Variants in TTBK2 observed in about 807,000 individuals in gnomAD.
The protein encoded by TTBK2 is tau-tubulin kinase 2.
TTBK2 carries 28 observed loss-of-function variants against 110.8 expected under a neutral mutation model. That is an observed-to-expected ratio of 0.25 (90% CI 0.19 to 0.35). TTBK2 has a LOEUF of 0.35. Ranked by LOEUF, TTBK2 falls within the 10% of genes least tolerant of loss-of-function variation. The pLI, the probability that TTBK2 is intolerant of heterozygous loss-of-function variation, is 1.00. For missense variants in TTBK2, 1,369 were observed against 1,500.3 expected (o/e 0.91, Z 1.45); for synonymous variants, 532 against 527.3 (o/e 1.01, Z -0.12).
rs1406976440 is a variant in TTBK2, at chr15:42,762,585, C to T, written c.1999-9338G>A. Among the ~76,000 whole-genome samples the T allele has an allele frequency of 2.0e-5, 3 of 152,108 alleles. 1 individual carries two copies. Among genetic ancestry groups the T allele is most frequent in the Admixed American group, 2.0e-4 (3 of 15,262 alleles). The stretch of plus-strand genomic sequence containing the variant: ...TACAAAAATTAGCCAGGCATGGTGG[C>T]ATGTGCCTGTAGTCCCAGCTACTCA... On this transcript the variant is annotated intron_variant, in intron 13 of 14. Transcript: ENST00000267890.
chr15:42,824,500 T>G (rs938127547), intron 6 of TTBK2, among the ~76,000 whole-genome samples: 1 of 152,136 alleles, frequency 6.6e-6, no homozygotes, highest in Admixed American at 6.6e-5. Flanking sequence ...CTTAACTACT[T>G]GAAAACAAAA....
chr15:42,753,245 A>T lies in TTBK2; in HGVS notation c.2001T>A (p.Ile667=), dbSNP rs1331458622. 5.0e-6 allele frequency: 8 copies of T among 1,613,850 alleles called. No individual in the cohort carries two copies. The highest frequency in any genetic ancestry group is 1.3e-5 in the African/African-American group (1 of 74,936). The change falls in exon 14 of 15, where the codon ATT becomes ATA. Residue 667 remains isoleucine (I), a splice_region_variant and synonymous_variant. Transcript: ENST00000267890. The stretch of plus-strand genomic sequence containing the variant: ...ATGCCACAGAAGGTCTAGGAATTGT[A>T]ATCTGGAGAAGGGGAAGAAAAAATT... The part of the protein sequence containing the change: ...EAQAEGPLTA[I]TIPRPSVAST...
chr15:42,821,977 A>T (rs1892324098), intron 6 of TTBK2, among the ~76,000 whole-genome samples: 1 of 151,874 alleles, frequency 6.6e-6, no homozygotes, highest in African/African-American at 2.4e-5. Context: ...GGTGTGAGCC[A>T]CCATGCCCAG....
Position 42,752,299 on chromosome 15 carries a change from C to T in TTBK2, c.2947G>A (p.Val983Met). 6.2e-7 allele frequency: 1 copy of T among 1,614,154 alleles called. No individual in the cohort carries two copies. Among genetic ancestry groups the T allele is most frequent in the South Asian group, 1.1e-5 (1 of 91,076 alleles). The stretch of plus-strand genomic sequence containing the variant: ...AAGGACTTGAATTGTCTTTTTTCCA[C>T]CAGAAGCTTGACTAGGTCTGGCTGA... ...AYQPDLVKLL[V>M]EKRQFKSFLG... Residue 983 changes from valine (V) to methionine (M), a missense_variant, in exon 14 of 15, where the codon GTG becomes ATG. Physicochemically the swap from Val to Met is conservative, Grantham distance 21. This residue lies in a region of TTBK2 where 1,097 missense variants were observed against 1,114.7 expected (regional missense o/e 0.98). Transcript: ENST00000267890.
At chr15:42,809,774 T>C (rs1324610310) in intron 9 of TTBK2, among the ~76,000 whole-genome samples, 1 of 152,224 alleles carries the variant, frequency 6.6e-6, no homozygotes, top group Non-Finnish European at 1.5e-5. Context: ...TTGCTTTATA[T>C]CCTGTTTGTA....
chr15:42,787,907 T>TA (rs1349995768), intron 10 of TTBK2, among the ~76,000 whole-genome samples: 1 of 152,140 alleles, frequency 6.6e-6, no homozygotes, highest in African/African-American at 2.4e-5. Flanking sequence ...ACAGCGTACT[T>TA]AAAAAAACTA....
intron 10 of TTBK2, among the ~76,000 whole-genome samples, chr15:42,790,908 G>A (rs1217309537): frequency 6.6e-6 from 1 of 151,902 alleles, no homozygotes; most frequent in Non-Finnish European, 1.5e-5. Context: ...TTTTGAGATG[G>A]AGTCTCGCTC....
intron 1 of TTBK2, among the ~76,000 whole-genome samples, chr15:42,890,890 T>G (rs998002437): frequency 6.6e-6 from 1 of 152,178 alleles, no homozygotes. Context: ...TTTTTTGAGA[T>G]GGAGTCTCAC....
At chr15:42,789,671 T>C (rs1479772055) in intron 10 of TTBK2, among the ~76,000 whole-genome samples, 68 of 151,830 alleles carry the variant, frequency 4.5e-4, no homozygotes, top group Admixed American at 1.3e-4. Flanking sequence ...GAGGCGGAGG[T>C]TGCAGTGAGC....
intron 3 of TTBK2, among the ~76,000 whole-genome samples, chr15:42,847,603 G>A (rs1893519978): frequency 6.6e-6 from 1 of 152,312 alleles, no homozygotes; most frequent in South Asian, 2.1e-4. Context: ...TTTGCATAAT[G>A]TGTGTAGTTT....
chr15:42,877,019 A>AT (rs1894843325), intron 2 of TTBK2, among the ~76,000 whole-genome samples: 1 of 152,210 alleles, frequency 6.6e-6, no homozygotes, highest in Non-Finnish European at 1.5e-5. Flanking sequence ...AAACCAATTC[A>AT]TTGTTTTGAA....
rs780631079 is a variant in TTBK2, at chr15:42,775,455, C to T, written c.1678G>A (p.Asp560Asn). ...KEWVIVDKEQ[D>N]LQDFRTNEAV... ...TCATTTGTCCTAAAATCCTGAAGGT[C>T]CTGCTCCTTGTCCACAATCACCCAT... Residue 560 changes from aspartate to asparagine, a missense_variant, in exon 13 of 15, where the codon GAC becomes AAC. This residue lies in a region of TTBK2 where 1,097 missense variants were observed against 1,114.7 expected (regional missense o/e 0.98). Coordinates refer to ENST00000267890, the MANE Select transcript of TTBK2 (RefSeq NM_173500.4). The T allele has an allele frequency of 7.4e-6, 12 of 1,614,188 alleles. No homozygotes were observed. The highest frequency in any genetic ancestry group is 1.0e-5 in the Non-Finnish European group (12 of 1,180,030).
chr15:42,820,120 A>AC (rs1368143856), intron 6 of TTBK2, among the ~76,000 whole-genome samples: 1 of 152,238 alleles, frequency 6.6e-6, no homozygotes, highest in Admixed American at 6.5e-5. Context: ...AGAAATCTTG[A>AC]CATAAGTAGT....
intron 5 of TTBK2, among the ~76,000 whole-genome samples, chr15:42,828,821 T>C (rs1892638048): frequency 6.6e-6 from 1 of 152,010 alleles, no homozygotes; most frequent in Admixed American, 6.6e-5. Context: ...CAAAACAGAC[T>C]TAAGGAAAAT....
chr15:42,859,443 G>T (rs532039597), intron 3 of TTBK2, among the ~76,000 whole-genome samples: 2 of 152,142 alleles, frequency 1.3e-5, no homozygotes, highest in African/African-American at 4.8e-5. Flanking sequence ...TGGATCTGGC[G>T]GAGAGGAAAT....
intron 10 of TTBK2, among the ~76,000 whole-genome samples, chr15:42,792,855 T>G (rs1349666652): frequency 6.6e-6 from 1 of 152,242 alleles, no homozygotes; most frequent in Non-Finnish European, 1.5e-5. Context: ...TTAGTTTTCC[T>G]TCTTTGTTAT....
chr15:42,857,676 T>C (rs1221400749), intron 3 of TTBK2, among the ~76,000 whole-genome samples: 1 of 152,190 alleles, frequency 6.6e-6, no homozygotes, highest in Non-Finnish European at 1.5e-5. Flanking sequence ...ATCCCTCAAA[T>C]TTCCCTAATG....
intron 10 of TTBK2, among the ~76,000 whole-genome samples, chr15:42,787,123 T>TTAC (rs1244801020): frequency 6.6e-6 from 1 of 152,152 alleles, no homozygotes; most frequent in Non-Finnish European, 1.5e-5. Context: ...TCTGGCCTGC[T>TTAC]TACCTATTTT....
intron 1 of TTBK2, among the ~76,000 whole-genome samples, chr15:42,905,306 C>T (rs1187630649): frequency 6.6e-6 from 1 of 152,194 alleles, no homozygotes; most frequent in Non-Finnish European, 1.5e-5. Flanking sequence ...CAGGGCCTCA[C>T]TCTGTCACCC....
Sources: allele counts gnomAD v4.1 joint callset (sites outside exome capture counted in the v4.1 genomes callset), GRCh38; gene constraint gnomAD v4.1.1; regional missense constraint gnomAD v4.1.1; transcripts MANE v1.5; gene names NCBI Gene and HGNC (gene_info 2026-07-23, HGNC 2026-07-21).